CYP2C18: variants seen among roughly 807,000 people sequenced by gnomAD.
CYP2C18 encodes cytochrome P450 2C18.
CYP2C18 carries 38 observed loss-of-function variants against 41.3 expected under a neutral mutation model. The observed-to-expected ratio is 0.92, with a 90% CI of 0.71 to 1.21. The LOEUF (loss-of-function observed/expected upper bound fraction) is 1.21. Among genes scored for constraint, CYP2C18 ranks in the 50% most tolerant of loss-of-function variants. CYP2C18 has a pLI of 0.00. For missense variants in CYP2C18, 635 were observed against 591.4 expected (o/e 1.07, Z -0.77); for synonymous variants, 236 against 210.0 (o/e 1.12, Z -1.07).
At chr10:94,725,448 A>G (rs939160698) in intron 7 of CYP2C18, among the ~76,000 whole-genome samples, 2 of 151,918 alleles carry the variant, frequency 1.3e-5, no homozygotes, top group Admixed American at 1.3e-4. Context: ...CAATTCTTAT[A>G]ACTCAGTTTT....
chr10:94,728,755 A>G (rs1199037010), intron 7 of CYP2C18: 1 of 231,344 alleles, frequency 4.3e-6, no homozygotes, highest in Non-Finnish European at 7.1e-6. Context: ...TTTTTTTAAC[A>G]AAAGTTTTAT....
At chr10:94,698,505 C>T (rs1380886021) in intron 4 of CYP2C18, among the ~76,000 whole-genome samples, 1 of 152,158 alleles carries the variant, frequency 6.6e-6, no homozygotes, top group Non-Finnish European at 1.5e-5. Flanking sequence ...ATGTATAGCA[C>T]TAAATGCCCA....
chr10:94,715,021 C>A (rs1045573820), intron 5 of CYP2C18, among the ~76,000 whole-genome samples: 1 of 151,950 alleles, frequency 6.6e-6, no homozygotes, highest in African/African-American at 2.4e-5. Context: ...TTTTTGCACA[C>A]TTATTTTGTA....
chr10:94,686,653 A>G (rs538916149), intron 1 of CYP2C18, among the ~76,000 whole-genome samples: 1 of 152,290 alleles, frequency 6.6e-6, no homozygotes, highest in South Asian at 2.1e-4. Context: ...TTCCTCCTGT[A>G]CCAGCAGAGG....
In CYP2C18 at chr10:94,708,245, A is replaced by G. The variant is rs7085394; in HGVS notation, c.819+1285A>G. ...GAAGTGAAGAAGATGAGATACTTTG[A>G]GGAAACTGGAGAAGGGAAGAAACAA... is the stretch of plus-strand genomic sequence containing the variant. On this transcript the variant is annotated intron_variant, in intron 5 of 8. Coordinates refer to ENST00000285979, the MANE Select transcript of CYP2C18 (RefSeq NM_000772.3). 7.5e-3 allele frequency among the ~76,000 whole-genome samples: 1,148 copies of G among 152,302 alleles called. 20 individuals are homozygous for G. Among genetic ancestry groups the G allele is most frequent in the African/African-American group, 0.027 (1,103 of 41,578 alleles).
chr10:94,726,713 C>T (rs1227576527), intron 7 of CYP2C18, among the ~76,000 whole-genome samples: 1 of 152,020 alleles, frequency 6.6e-6, no homozygotes, highest in Non-Finnish European at 1.5e-5. Flanking sequence ...TCTGAGTTCC[C>T]CCATGCCTGC....
Position 94,697,218 on chromosome 10 carries a change from G to A in CYP2C18, c.642+2141G>A, listed in dbSNP as rs551131891. Among the ~76,000 whole-genome samples, 1,455 of 152,268 alleles carry A rather than the reference G, an allele frequency of 9.6e-3. 11 individuals are homozygous for A. The highest frequency in any genetic ancestry group is 0.012 in the Non-Finnish European group (828 of 68,026). ...TTGAAATGAAGGAAAAAATGTTAAG[G>A]GCAGCCAGAGAGAAAGCTTGGGTTA... On this transcript the variant is annotated intron_variant, in intron 4 of 8. Coordinates refer to ENST00000285979, the MANE Select transcript of CYP2C18 (RefSeq NM_000772.3).
At chr10:94,733,617 A>C (rs1847871755) in intron 8 of CYP2C18, 179 bp downstream of exon 8, 1 of 984,590 alleles carries the variant, frequency 1.0e-6, no homozygotes, top group African/African-American at 1.7e-5. Context: ...GGGCCAGGTT[A>C]GTGGGGCTTT....
chr10:94,735,349 T>G lies in CYP2C18; in HGVS notation c.1378T>G (p.Ser460Ala). The G allele has an allele frequency of 6.2e-7, 1 of 1,613,724 alleles. No homozygotes were observed. The highest frequency in any genetic ancestry group is 8.5e-7 in the Non-Finnish European group (1 of 1,179,756). ...CATTTTGCAGAACTTTAACCTGAAATCTCAGGTTGACCCAAAGGATATTGA... is the reference window on the plus strand; with the variant it reads ...CATTTTGCAGAACTTTAACCTGAAAGCTCAGGTTGACCCAAAGGATATTGA... Reference protein sequence around the residue: ...TTILQNFNLKSQVDPKDIDIT... With the variant: ...TTILQNFNLKAQVDPKDIDIT... Residue 460 changes from serine (S) to alanine (A), a missense_variant, in exon 9 of 9, where the codon TCT becomes GCT. By Grantham distance (99) the Ser-to-Ala change is moderately conservative. Transcript: ENST00000285979.
chr10:94,709,788 G>A (rs979161772), intron 5 of CYP2C18, among the ~76,000 whole-genome samples: 1 of 152,088 alleles, frequency 6.6e-6, no homozygotes, highest in Non-Finnish European at 1.5e-5. Flanking sequence ...ATAGTGTGAG[G>A]TATGGGTACA....
At chr10:94,726,088 ATCT>A (rs1402638097) in intron 7 of CYP2C18, among the ~76,000 whole-genome samples, 1 of 152,166 alleles carries the variant, frequency 6.6e-6, no homozygotes, top group African/African-American at 2.4e-5. Context: ...GATGAGGTTC[ATCT>A]TCTTCCAGAA....
intron 3 of CYP2C18, among the ~76,000 whole-genome samples, chr10:94,689,529 C>G (rs1355791028): frequency 1.3e-5 from 2 of 152,132 alleles, no homozygotes; most frequent in Admixed American, 1.3e-4. Flanking sequence ...CTTTACCAAA[C>G]TCTCACACAT....
At chr10:94,708,945 C>T (rs1214978629) in intron 5 of CYP2C18, among the ~76,000 whole-genome samples, 1 of 152,052 alleles carries the variant, frequency 6.6e-6, no homozygotes, top group Admixed American at 6.6e-5. Context: ...TTGGGTGTGG[C>T]TATATCATAT....
rs1280849210 is a variant in CYP2C18 at position 94,720,433 on chromosome 10, G to C, written c.857G>C (p.Ser286Thr). 6.2e-7 allele frequency: 1 copy of C among 1,612,682 alleles called. No homozygotes were observed. The highest frequency in any genetic ancestry group is 8.5e-7 in the Non-Finnish European group (1 of 1,179,276). Residue 286 changes from serine to threonine, a missense_variant, in exon 6 of 9, where the codon AGC becomes ACC. Coordinates refer to ENST00000285979, the MANE Select transcript of CYP2C18 (RefSeq NM_000772.3). ...HNQQSEFTVE[S>T]LIATVTDMFG... The stretch of plus-strand genomic sequence containing the variant: ...CAACAGTCTGAATTTACTGTTGAAA[G>C]CTTGATAGCCACTGTAACTGATATG...
intron 4 of CYP2C18, among the ~76,000 whole-genome samples, chr10:94,699,728 C>T (rs1847197151): frequency 6.6e-6 from 1 of 152,136 alleles, no homozygotes; most frequent in Non-Finnish European, 1.5e-5. Context: ...TTAGAAAACC[C>T]CATTGTCTCA....
chr10:94,709,204 G>A (rs565791131), intron 5 of CYP2C18, among the ~76,000 whole-genome samples: 2 of 152,244 alleles, frequency 1.3e-5, no homozygotes, highest in South Asian at 4.2e-4. Context: ...AGAAAACCTA[G>A]GCATGAAATT....
At chr10:94,732,312 C>G (rs1301238550) in intron 7 of CYP2C18, among the ~76,000 whole-genome samples, 1 of 151,324 alleles carries the variant, frequency 6.6e-6, no homozygotes, top group African/African-American at 2.4e-5. Context: ...ATTAAGAAGT[C>G]AAAAAACAAT....
chr10:94,733,651 A>G, intron 8 of CYP2C18: 1 of 955,980 alleles, frequency 1.0e-6, no homozygotes, highest in Non-Finnish European at 1.2e-6. Flanking sequence ...AGTTTTTCAA[A>G]CTGAAAAAGC....
chr10:94,698,716 A>G (rs1408901696), intron 4 of CYP2C18, among the ~76,000 whole-genome samples: 1 of 152,224 alleles, frequency 6.6e-6, no homozygotes, highest in Non-Finnish European at 1.5e-5. Flanking sequence ...AAGATCAACA[A>G]AATTGATAGA....
Sources: gnomAD v4.1 joint callset for allele counts (sites outside exome capture counted in the v4.1 genomes callset) on GRCh38, gnomAD v4.1.1 for gene constraint, MANE v1.5 for transcripts, NCBI Gene and HGNC (gene_info 2026-07-23, HGNC 2026-07-21) for gene names.